Variants in PRKN observed in about 807,000 individuals in gnomAD.
The protein encoded by PRKN is E3 ubiquitin-protein ligase parkin.
Under a neutral mutation model 59.5 loss-of-function variants are expected in PRKN, and 56 were observed. The ratio of observed to expected loss-of-function variants is 0.94; its 90% CI spans 0.76 to 1.18. The LOEUF (loss-of-function observed/expected upper bound fraction) is 1.18, where lower values mean the gene tolerates loss of function less well. PRKN is among the 50% of genes most tolerant of loss of function. The pLI, the probability that PRKN is intolerant of heterozygous loss-of-function variation, is 0.00. For synonymous variants in PRKN, 250 were observed against 222.1 expected (o/e 1.13, Z -1.12); for missense variants, 657 against 596.4 (o/e 1.10, Z -1.06).
chr6:162,605,111 G>T (rs748188635), intron 1 of PRKN, among the ~76,000 whole-genome samples: 6 of 152,058 alleles, frequency 3.9e-5, no homozygotes, highest in Admixed American at 6.6e-5. Context: ...AGGTGATAGA[G>T]AATCCTTTAC....
intron 7 of PRKN, among the ~76,000 whole-genome samples, chr6:161,644,758 C>T (rs895203591): frequency 3.9e-5 from 6 of 152,168 alleles, no homozygotes; most frequent in East Asian, 1.9e-4. Flanking sequence ...GCATGAGAGC[C>T]GAGTGAAGGG....
chr6:161,833,375 G>A (rs775783421), intron 6 of PRKN, among the ~76,000 whole-genome samples: 4 of 152,222 alleles, frequency 2.6e-5, no homozygotes, highest in Non-Finnish European at 5.9e-5. Context: ...ATAAGGGAAT[G>A]AAGCTGTTTT....
At chr6:162,229,002 T>C (rs1378512407) in intron 3 of PRKN, among the ~76,000 whole-genome samples, 9 of 152,208 alleles carry the variant, frequency 5.9e-5, no homozygotes, top group Non-Finnish European at 1.3e-4. Context: ...CAGCGCAATC[T>C]ATGGGACCAC....
chr6:162,256,252 A>C (rs1779635400), intron 3 of PRKN, among the ~76,000 whole-genome samples: 1 of 152,156 alleles, frequency 6.6e-6, no homozygotes, highest in African/African-American at 2.4e-5. Context: ...TATAATAGAT[A>C]TTTTATTAAT....
At chr6:162,464,159 C>A (rs1283200213) in intron 1 of PRKN, among the ~76,000 whole-genome samples, 1 of 152,086 alleles carries the variant, frequency 6.6e-6, no homozygotes, top group African/African-American at 2.4e-5. Flanking sequence ...AGAAATCAAT[C>A]ATTGTTTACT....
chr6:162,459,268 T>G (rs1394860427), intron 1 of PRKN, among the ~76,000 whole-genome samples: 1 of 152,162 alleles, frequency 6.6e-6, no homozygotes, highest in African/African-American at 2.4e-5. Context: ...TAAGCACTTA[T>G]TAGGTAGATA....
chr6:162,288,945 T>G (rs896318438), intron 2 of PRKN, among the ~76,000 whole-genome samples: 3 of 152,196 alleles, frequency 2.0e-5, no homozygotes, highest in Non-Finnish European at 2.9e-5. Flanking sequence ...TTTTTCACTT[T>G]AAGGCCATGT....
intron 6 of PRKN, among the ~76,000 whole-genome samples, chr6:161,865,653 T>C (rs956779998): frequency 6.6e-6 from 1 of 152,216 alleles, no homozygotes; most frequent in African/African-American, 2.4e-5. Context: ...TTCAAACTTT[T>C]CTCATGCAAC....
chr6:162,358,959 C>G (rs1442144515), intron 2 of PRKN, among the ~76,000 whole-genome samples: 2 of 149,302 alleles, frequency 1.3e-5, no homozygotes, highest in East Asian at 4.0e-4. Context: ...ACTGAGGAGA[C>G]TGAGTCAGGA....
chr6:162,669,460 TTTG>T (rs1779236881), intron 1 of PRKN, among the ~76,000 whole-genome samples: 1 of 152,158 alleles, frequency 6.6e-6, no homozygotes, highest in Non-Finnish European at 1.5e-5. Context: ...GATTTAACCC[TTTG>T]TTACTTGAAT....
rs1025532513 is a variant in PRKN, at chr6:161,822,938, A to C, written c.735-37030T>G. Among the ~76,000 whole-genome samples, 5 of 151,830 alleles carry C rather than the reference A, an allele frequency of 3.3e-5. No homozygotes were observed. The South Asian group carries it at 6.3e-4, about 19-fold the overall frequency. ...GCCAATTTTTTTAACTGGTTTACTTATTAATTATTTATTTTTTGAGATAGG... is the reference window on the plus strand; with the variant it reads ...GCCAATTTTTTTAACTGGTTTACTTCTTAATTATTTATTTTTTGAGATAGG... On this transcript the variant is annotated intron_variant, in intron 6 of 11. Transcript: ENST00000366898.
intron 7 of PRKN, among the ~76,000 whole-genome samples, chr6:161,654,513 T>G (rs1430325405): frequency 6.6e-6 from 1 of 152,176 alleles, no homozygotes; most frequent in Non-Finnish European, 1.5e-5. Flanking sequence ...GCCAGGGGCT[T>G]GGACCCAGAT....
At chr6:162,531,371 T>G (rs1006732017) in intron 1 of PRKN, among the ~76,000 whole-genome samples, 1 of 152,244 alleles carries the variant, frequency 6.6e-6, no homozygotes, top group Middle Eastern at 3.4e-3. Context: ...GAAAGAGTAA[T>G]TCACGCAGAG....
chr6:162,248,588 G>A (rs1320984797), intron 3 of PRKN, among the ~76,000 whole-genome samples: 3 of 152,072 alleles, frequency 2.0e-5, no homozygotes, highest in East Asian at 1.9e-4. Flanking sequence ...GGGTACTGGC[G>A]TTAGAGCTGA....
At chr6:161,649,299 G>A (rs2128160970) in intron 7 of PRKN, among the ~76,000 whole-genome samples, 1 of 152,276 alleles carries the variant, frequency 6.6e-6, no homozygotes, top group East Asian at 1.9e-4. Flanking sequence ...TTGCCTTAGG[G>A]CTGAGTGCAC....
chr6:161,931,977 C>T (rs1202300672), intron 6 of PRKN, among the ~76,000 whole-genome samples: 1 of 152,138 alleles, frequency 6.6e-6, no homozygotes, highest in Non-Finnish European at 1.5e-5. Flanking sequence ...TGGAGTTTAG[C>T]AGGAACTTAA....
At chr6:162,587,420 G>A (rs2128213230) in intron 1 of PRKN, among the ~76,000 whole-genome samples, 1 of 152,260 alleles carries the variant, frequency 6.6e-6, no homozygotes, top group Middle Eastern at 3.4e-3. Flanking sequence ...ACAGGTGTGA[G>A]CCACCACGCC....
At chr6:161,887,708 A>G (rs1369395700) in intron 6 of PRKN, among the ~76,000 whole-genome samples, 2 of 152,230 alleles carry the variant, frequency 1.3e-5, no homozygotes, top group Non-Finnish European at 1.5e-5. Flanking sequence ...AATTTGCATA[A>G]AAGTGCTACT....
chr6:162,299,980 G>A (rs1405176793), intron 2 of PRKN, among the ~76,000 whole-genome samples: 1 of 151,992 alleles, frequency 6.6e-6, no homozygotes, highest in Non-Finnish European at 1.5e-5. Context: ...ACTTAGTGCT[G>A]AGTTACACTC....
Sources: gnomAD v4.1 joint callset for allele counts (sites outside exome capture counted in the v4.1 genomes callset) on GRCh38, gnomAD v4.1.1 for gene constraint, MANE v1.5 for transcripts, NCBI Gene and HGNC (gene_info 2026-07-23, HGNC 2026-07-21) for gene names.